RNF216: variants seen among roughly 807,000 people sequenced by gnomAD.
RNF216 encodes the protein ring finger protein 216, also known as E3 ubiquitin-protein ligase RNF216.
A neutral mutation model predicts 110.8 loss-of-function variants in RNF216; 72 were observed. The observed-to-expected ratio is 0.65, with a 90% confidence interval of 0.54 to 0.79. The LOEUF is 0.79. Among genes scored for constraint, RNF216 ranks in the 30% least tolerant of loss-of-function variants. The probability of loss-of-function intolerance (pLI) is 0.00; values close to 1 mark genes in which losing one functional copy is unlikely to be tolerated. For missense variants in RNF216, 1,342 were observed against 1,141.2 expected (o/e 1.18, Z -2.54); for synonymous variants, 495 against 407.5 (o/e 1.21, Z -2.59).
At chr7:5,753,742 A>T (rs1795453560) in intron 2 of RNF216, among the ~76,000 whole-genome samples, 1 of 152,226 alleles carries the variant, frequency 6.6e-6, no homozygotes, top group Non-Finnish European at 1.5e-5. Context: ...CACGCCTGTA[A>T]TCCCAGCACT....
chr7:5,758,213 A>G (rs2128668544), intron 2 of RNF216, among the ~76,000 whole-genome samples: 1 of 152,354 alleles, frequency 6.6e-6, no homozygotes, highest in Admixed American at 6.5e-5. Context: ...ATACATGTAC[A>G]GAAAATTTTG....
At position 5,770,241 on chromosome 7, in the gene RNF216, C is replaced by A. The variant is rs575618959; in HGVS notation, c.-69-9103G>T. 2.0e-5 allele frequency among the ~76,000 whole-genome samples: 3 copies of A among 151,604 alleles called. No homozygotes were observed. In the South Asian group the frequency reaches 6.2e-4, roughly 32 times the overall value. On this transcript the variant is annotated intron_variant, in intron 1 of 16. Coordinates refer to ENST00000389902, the MANE Select transcript of RNF216 (RefSeq NM_207111.4). ...CTTTCGGAGGCCAAGGTGGGCGGAT[C>A]GCCTGAGGTGGGGAGTTTGAGACCA...
At chr7:5,757,902 C>T (rs1011162898) in intron 2 of RNF216, among the ~76,000 whole-genome samples, 2 of 152,134 alleles carry the variant, frequency 1.3e-5, no homozygotes, top group Non-Finnish European at 2.9e-5. Context: ...CACCTGTAAT[C>T]CTAGCACTTC....
chr7:5,735,025 A>T (rs1468840897), intron 5 of RNF216, among the ~76,000 whole-genome samples: 1 of 151,790 alleles, frequency 6.6e-6, no homozygotes, highest in Non-Finnish European at 1.5e-5. Context: ...GGGCACCTGT[A>T]ATCCAAGCTA....
chr7:5,736,845 A>T (rs567729834), intron 5 of RNF216, among the ~76,000 whole-genome samples: 1 of 148,446 alleles, frequency 6.7e-6, no homozygotes, highest in African/African-American at 2.5e-5. Context: ...TCCGCCCCGC[A>T]GCCACCCCAT....
chr7:5,740,220 G>A (rs1011695697), intron 4 of RNF216, among the ~76,000 whole-genome samples: 2 of 145,810 alleles, frequency 1.4e-5, no homozygotes, highest in Non-Finnish European at 3.0e-5. Flanking sequence ...TCTGCCTCCT[G>A]GGTTCACACC....
chr7:5,778,475 T>C (rs556283910), intron 1 of RNF216, among the ~76,000 whole-genome samples: 3 of 152,196 alleles, frequency 2.0e-5, no homozygotes, highest in Non-Finnish European at 4.4e-5. Flanking sequence ...TAGGAAACTA[T>C]GTGTAATTTT....
At chr7:5,702,767 A>C (rs1169869526) in intron 13 of RNF216, among the ~76,000 whole-genome samples, 1 of 152,202 alleles carries the variant, frequency 6.6e-6, no homozygotes, top group Non-Finnish European at 1.5e-5. Context: ...AAACTGACAG[A>C]AGTACTCAGA....
chr7:5,688,763 G>A (rs949589214), intron 13 of RNF216, among the ~76,000 whole-genome samples: 4 of 151,986 alleles, frequency 2.6e-5, no homozygotes, highest in African/African-American at 7.3e-5. Flanking sequence ...TAAAACTGTG[G>A]GTGACTTAGG....
chr7:5,704,820 C>T (rs1792185016), intron 13 of RNF216, among the ~76,000 whole-genome samples: 1 of 152,186 alleles, frequency 6.6e-6, no homozygotes, highest in African/African-American at 2.4e-5. Context: ...ACATTTTTCA[C>T]TTTATTTTCC....
intron 5 of RNF216, 53 bp downstream of exon 5, chr7:5,739,223 T>C: frequency 6.8e-7 from 1 of 1,469,340 alleles, no homozygotes; most frequent in Non-Finnish European, 9.0e-7. Context: ...TTTTATTACA[T>C]ATATTTTACC....
At chr7:5,752,712 G>C (rs1006127964) in intron 3 of RNF216, 134 bp downstream of exon 3, 4 of 769,608 alleles carry the variant, frequency 5.2e-6, no homozygotes, top group Non-Finnish European at 8.2e-6. Context: ...GAGTACACGA[G>C]GTAGAATGGA....
intron 2 of RNF216, among the ~76,000 whole-genome samples, chr7:5,753,560 G>T (rs562174889): frequency 6.6e-6 from 1 of 152,096 alleles, no homozygotes; most frequent in Non-Finnish European, 1.5e-5. Context: ...CCATCTAAAT[G>T]TAGTAATTCT....
At chr7:5,736,330 C>T (rs1306421593) in intron 5 of RNF216, among the ~76,000 whole-genome samples, 2 of 152,180 alleles carry the variant, frequency 1.3e-5, no homozygotes, top group Admixed American at 6.5e-5. Flanking sequence ...CTGTGTTGGC[C>T]GGGCTGGTCT....
intron 13 of RNF216, among the ~76,000 whole-genome samples, chr7:5,677,026 A>T (rs1293626522): frequency 1.3e-5 from 2 of 152,250 alleles, no homozygotes; most frequent in Non-Finnish European, 2.9e-5. Context: ...CGAACCTCGT[A>T]AGAGAACTAA....
chr7:5,770,590 T>C (rs572687452), intron 1 of RNF216, among the ~76,000 whole-genome samples: 7 of 151,928 alleles, frequency 4.6e-5, no homozygotes, highest in Non-Finnish European at 1.0e-4. Flanking sequence ...GTAGATTTAA[T>C]ACAACCTTTA....
At chr7:5,630,083 TAGA>T (rs1562770257) in intron 15 of RNF216, among the ~76,000 whole-genome samples, 1 of 150,790 alleles carries the variant, frequency 6.6e-6, no homozygotes, top group African/African-American at 2.4e-5. Context: ...AGGGGAAAAA[TAGA>T]AGGAAAGAGG....
intron 9 of RNF216, among the ~76,000 whole-genome samples, chr7:5,719,385 A>G (rs141436824): frequency 0.018 from 2,762 of 152,336 alleles, 36 homozygotes; most frequent in South Asian, 0.044. Context: ...CAAAAAAGAA[A>G]AGAAAAAAGC....
intron 1 of RNF216, among the ~76,000 whole-genome samples, chr7:5,769,957 G>A (rs1796406647): frequency 7.8e-6 from 1 of 127,428 alleles, no homozygotes; most frequent in African/African-American, 3.1e-5. Flanking sequence ...AACCCAGGAG[G>A]CCAAGTTGCA....
Sources: gnomAD v4.1 joint callset for allele counts (sites outside exome capture counted in the v4.1 genomes callset) on GRCh38, gnomAD v4.1.1 for gene constraint, MANE v1.5 for transcripts, NCBI Gene and HGNC (gene_info 2026-07-23, HGNC 2026-07-21) for gene names.